DUSP8: variants seen among roughly 807,000 people sequenced by gnomAD.
DUSP8 encodes the protein dual specificity protein phosphatase 8.
In DUSP8, 15 loss-of-function variants were observed where a neutral mutation model predicts 38.7. That is an observed-to-expected ratio of 0.39 (90% CI 0.26 to 0.60). The LOEUF is 0.60. Among genes scored for constraint, DUSP8 ranks in the 20% least tolerant of loss-of-function variants. The probability of loss-of-function intolerance (pLI) is 0.56; values close to 1 mark genes in which losing one functional copy is unlikely to be tolerated. For missense variants in DUSP8, 768 were observed against 915.0 expected, an observed-to-expected ratio of 0.84 and a Z score of 2.07; for synonymous variants, 458 against 433.9, an observed-to-expected ratio of 1.06 and a Z score of -0.69.
At position 1,556,395 on chromosome 11, in the gene DUSP8, A is replaced by T; in HGVS notation, c.*123T>A. The T allele has an allele frequency of 8.3e-7, 1 of 1,198,270 alleles. No individual in the cohort carries two copies. The highest frequency in any genetic ancestry group is 4.4e-5 in the South Asian group (1 of 22,910). The allele number at this position is 1,198,270 out of a possible 1,614,324, so 74.2% of individuals were successfully genotyped here. On this transcript the variant is annotated 3_prime_UTR_variant, in exon 7 of 7. Coordinates refer to ENST00000397374, the MANE Select transcript of DUSP8 (RefSeq NM_004420.3). This position sits in a 1 kb window ranked among gnomAD's most constrained non-coding sequence, Gnocchi z 5.2. ...GAATGAACAGCTTAAATAAATAAAA[A>T]ATCGAAATATTTACTTCTCGATAAA...
intron 1 of DUSP8, among the ~76,000 whole-genome samples, chr11:1,569,036 C>A (rs1245015793): frequency 1.3e-5 from 2 of 152,170 alleles, no homozygotes; most frequent in Non-Finnish European, 2.9e-5. Flanking sequence ...GGGGCCAGCA[C>A]TGGCCATGTG....
intron 3 of DUSP8, 73 bp downstream of exon 3, chr11:1,563,778 A>T: frequency 7.1e-7 from 1 of 1,406,200 alleles, no homozygotes; most frequent in Non-Finnish European, 9.4e-7. Flanking sequence ...CACCTCCCTG[A>T]TGCCCCAGCC....
chr11:1,565,483 A>G (rs545112128), intron 2 of DUSP8, 113 bp downstream of exon 2: 2 of 833,454 alleles, frequency 2.4e-6, no homozygotes, highest in African/African-American at 3.4e-5. Flanking sequence ...CTGTGACCCC[A>G]AGGAGTCGAG....
upstream of DUSP8, chr11:1,572,689 C>T (rs1021121131): frequency 1.3e-5 from 2 of 152,186 alleles, no homozygotes. The surrounding 1 kb of genome is among the most constrained non-coding windows in gnomAD (Gnocchi z 4.7). Flanking sequence ...GCGCCGCTCC[C>T]CCCTTCTCCT....
intron 3 of DUSP8, 42 bp from the exon 4 acceptor site, chr11:1,559,097 G>A: frequency 6.3e-7 from 1 of 1,587,568 alleles, no homozygotes; most frequent in Non-Finnish European, 8.5e-7. Context: ...AGAACACCTA[G>A]GGCTCCCTGT....
rs1478676019 is a variant in DUSP8 at position 1,554,162 on chromosome 11, GC to G, written c.*2355del. 1.3e-5 allele frequency: 2 copies of G among 152,696 alleles called. No homozygotes were observed. Among genetic ancestry groups the G allele is most frequent in the Non-Finnish European group, 2.9e-5 (2 of 68,372 alleles). 9.5% of individuals were successfully genotyped at this position (152,696 alleles called of 1,614,324 possible). ...GAGGGGCTCCAAGGGGGGCTGAAGG[GC>G]CGGCAGCCCAGTCTACAGAGACTGG... is the stretch of plus-strand genomic sequence containing the variant. On this transcript the variant is annotated 3_prime_UTR_variant, in exon 7 of 7. Transcript: ENST00000397374.
intron 3 of DUSP8, among the ~76,000 whole-genome samples, chr11:1,563,494 G>A (rs1848753177): frequency 6.6e-6 from 1 of 152,076 alleles, no homozygotes; most frequent in Non-Finnish European, 1.5e-5. Flanking sequence ...TGGGCTTTCG[G>A]AGGTGGGGGG....
In DUSP8 at chr11:1,556,879, C is replaced by T. The variant is rs1392066430; in HGVS notation, c.1517G>A (p.Gly506Glu). ...LPGPGQPAGP[G>E]AWAPPLDSPG... ...GGAGTCGAGCGGCGGTGCCCAGGCC[C>T]CGGGGCCGGCCGGCTGGCCAGGGCC... Residue 506 changes from glycine (G) to glutamate (E), a missense_variant, in exon 7 of 7, where the codon GGG becomes GAG. Gly to Glu is a moderately conservative substitution (Grantham distance 98). Transcript: ENST00000397374. The surrounding 1 kb of genome is among the most constrained non-coding windows in gnomAD (Gnocchi z 5.2). 2.7e-6 allele frequency: 3 copies of T among 1,104,576 alleles called. No individual in the cohort carries two copies. The highest frequency in any genetic ancestry group is 5.2e-5 in the East Asian group (1 of 19,124). The allele number at this position is 1,104,576 out of a possible 1,614,324, so 68.4% of individuals were successfully genotyped here.
Position 1,559,157 on chromosome 11 carries a change from TCAGTCACACC to T in DUSP8, c.371-112_371-103del, listed in dbSNP as rs1848681253. 6.6e-6 allele frequency: 8 copies of T among 1,219,340 alleles called. No homozygotes were observed. In the South Asian group the frequency reaches 1.2e-4, roughly 18 times the overall value. The allele number at this position is 1,219,340 out of a possible 1,614,324, so 75.5% of individuals were successfully genotyped here. A position where few individuals can be genotyped will look rare whatever the true frequency, so the allele number is the denominator to read the frequency against. ...AGGGCACCCCATCTACTGCTGAGGA[TCAGTCACACC>T]CAGCCCAGACCCGAGCCTGAGCCCA... On this transcript the variant is annotated intron_variant, in intron 3 of 6. Coordinates refer to ENST00000397374, the MANE Select transcript of DUSP8 (RefSeq NM_004420.3).
chr11:1,572,399 G>A (rs1433458530), upstream of DUSP8, among the ~76,000 whole-genome samples: 2 of 150,036 alleles, frequency 1.3e-5, no homozygotes, highest in Non-Finnish European at 3.0e-5. The surrounding 1 kb of genome is among the most constrained non-coding windows in gnomAD (Gnocchi z 4.7). Flanking sequence ...AGCGGAGCCC[G>A]GGCTCGGGGT....
At chr11:1,559,276 C>T in intron 3 of DUSP8, 2 of 502,820 alleles carry the variant, frequency 4.0e-6, no homozygotes, top group Non-Finnish European at 6.9e-6. Flanking sequence ...TGCACCTACG[C>T]CCACATTCCT....
At chr11:1,562,392 A>G (rs1848730177) in intron 3 of DUSP8, among the ~76,000 whole-genome samples, 1 of 152,040 alleles carries the variant, frequency 6.6e-6, no homozygotes, top group African/African-American at 2.4e-5. Context: ...GAGCTGTAAA[A>G]AGCCCCAAAC....
rs1848601399 is a variant in DUSP8, at chr11:1,555,084, C to T, written c.*1434G>A. The T allele has an allele frequency of 1.0e-6, 1 of 986,968 alleles. No homozygotes were observed. The highest frequency in any genetic ancestry group is 1.2e-6 in the Non-Finnish European group (1 of 830,154). 61.1% of individuals were successfully genotyped at this position (986,968 alleles called of 1,614,324 possible). A position where few individuals can be genotyped will look rare whatever the true frequency, so the allele number is the denominator to read the frequency against. On this transcript the variant is annotated 3_prime_UTR_variant, in exon 7 of 7. Coordinates refer to ENST00000397374, the MANE Select transcript of DUSP8 (RefSeq NM_004420.3). The stretch of plus-strand genomic sequence containing the variant: ...GCCCTGGGCTGCCTCTCCGGCCAAG[C>T]CCCTGGCCTCTTCCCACAGTGACTG...
chr11:1,569,544 C>T (rs1483043597), intron 1 of DUSP8, among the ~76,000 whole-genome samples: 5 of 152,108 alleles, frequency 3.3e-5, no homozygotes, highest in African/African-American at 7.2e-5. Flanking sequence ...TATGCAGGAT[C>T]CCCTGAGAAC....
At chr11:1,562,509 A>G (rs1848732204) in intron 3 of DUSP8, among the ~76,000 whole-genome samples, 1 of 152,204 alleles carries the variant, frequency 6.6e-6, no homozygotes, top group South Asian at 2.1e-4. Flanking sequence ...GAGTTCACAC[A>G]TATGCACACA....
In DUSP8 at chr11:1,557,057, G is replaced by T; in HGVS notation, c.1339C>A (p.Pro447Thr). Residue 447 changes from proline to threonine, a missense_variant, in exon 7 of 7, where the codon CCT (proline) becomes ACT (threonine). Physicochemically the swap from Pro to Thr is conservative, Grantham distance 38. Around this residue, in one of 3 missense-constraint regions of DUSP8, gnomAD observed 474 missense variants for 430.8 expected, o/e 1.10. Coordinates refer to ENST00000397374, the MANE Select transcript of DUSP8 (RefSeq NM_004420.3). The surrounding 1 kb of genome is among the most constrained non-coding windows in gnomAD (Gnocchi z 9.9). ...SPSPDSPDAA[P>T]EARPRPRRRP... Reference sequence around the variant, plus strand: ...CGGCGGGGCCGTGGGCGCGCCTCAGGCGCGGCGTCCGGGCTGTCCGGGCTG... The same window carrying T: ...CGGCGGGGCCGTGGGCGCGCCTCAGTCGCGGCGTCCGGGCTGTCCGGGCTG... 8.6e-7 allele frequency: 1 copy of T among 1,166,874 alleles called. No individual in the cohort carries two copies. Among genetic ancestry groups the T allele is most frequent in the Non-Finnish European group, 1.1e-6 (1 of 946,560 alleles). The allele number at this position is 1,166,874 out of a possible 1,614,324, so 72.3% of individuals were successfully genotyped here.
At chr11:1,559,202 C>T in intron 3 of DUSP8, 147 bp from the exon 4 acceptor site, 1 of 765,720 alleles carries the variant, frequency 1.3e-6, no homozygotes, top group Non-Finnish European at 1.9e-6. Context: ...AGCCGGCAAG[C>T]CTCTGGCGGA....
At chr11:1,567,089 G>A (rs1454414784) in intron 1 of DUSP8, among the ~76,000 whole-genome samples, 1 of 152,152 alleles carries the variant, frequency 6.6e-6, no homozygotes, top group African/African-American at 2.4e-5. Context: ...TCACACCTGG[G>A]TCACACACAG....
rs1419471393 is a variant in DUSP8 at position 1,556,280 on chromosome 11, G to T, written c.*238C>A. Reference sequence around the variant, plus strand: ...CCAGCTTGCGACTGAAGGTGGCCTCGTATTGCTTAGAAACGTATGTTTCAG... The same window carrying T: ...CCAGCTTGCGACTGAAGGTGGCCTCTTATTGCTTAGAAACGTATGTTTCAG... On this transcript the variant is annotated 3_prime_UTR_variant, in exon 7 of 7. Coordinates refer to ENST00000397374, the MANE Select transcript of DUSP8 (RefSeq NM_004420.3). The surrounding 1 kb of genome is among the most constrained non-coding windows in gnomAD (Gnocchi z 5.2). 2 of 497,696 alleles carry T rather than the reference G, an allele frequency of 4.0e-6. No individual in the cohort carries two copies. Among genetic ancestry groups the T allele is most frequent in the African/African-American group, 2.0e-5 (1 of 50,222 alleles). The allele number at this position is 497,696 out of a possible 1,614,324, so 30.8% of individuals were successfully genotyped here.
Sources: gnomAD v4.1 joint callset for allele counts (sites outside exome capture counted in the v4.1 genomes callset) on GRCh38, gnomAD v4.1.1 for gene constraint, gnomAD v4.1.1 regional missense constraint, Gnocchi (gnomAD v3.1) non-coding constraint, MANE v1.5 for transcripts, NCBI Gene and HGNC (gene_info 2026-07-23, HGNC 2026-07-21) for gene names.